The following CCSER1 variants were observed in gnomAD, a reference collection of about 807,000 sequenced individuals.
The protein encoded by CCSER1 is serine-rich coiled-coil domain-containing protein 1.
CCSER1 carries 41 observed loss-of-function variants against 82.0 expected under a neutral mutation model. The ratio of observed to expected loss-of-function variants is 0.50; its 90% CI spans 0.39 to 0.65. The LOEUF (loss-of-function observed/expected upper bound fraction) is 0.65, where lower values mean the gene tolerates loss of function less well. CCSER1 is among the 30% of genes least tolerant of loss of function. The pLI is 0.00. For missense variants in CCSER1, 1,119 were observed against 1,064.2 expected (o/e 1.05, Z -0.72); for synonymous variants, 414 against 383.9 (o/e 1.08, Z -0.92).
chr4:90,284,330 G>C (rs2153462183), intron 1 of CCSER1, among the ~76,000 whole-genome samples: 1 of 152,018 alleles, frequency 6.6e-6, no homozygotes, highest in South Asian at 2.1e-4. Flanking sequence ...TTTTTTAGTT[G>C]ACGTGATATC....
intron 10 of CCSER1, among the ~76,000 whole-genome samples, chr4:91,294,632 G>T (rs1001225596): frequency 6.6e-6 from 1 of 151,780 alleles, no homozygotes; most frequent in Admixed American, 6.6e-5. Context: ...GCTGTCAGGG[G>T]TTCCTGATGT....
At chr4:90,998,840 A>T (rs934704768) in intron 9 of CCSER1, among the ~76,000 whole-genome samples, 2 of 151,954 alleles carry the variant, frequency 1.3e-5, no homozygotes, top group African/African-American at 4.8e-5. Flanking sequence ...CCAGGTATGG[A>T]GAATAGTACC....
rs559059013 is a variant in CCSER1, at chr4:90,965,881, T to C, written c.2172+42434T>C. 1.2e-4 allele frequency among the ~76,000 whole-genome samples: 18 copies of C among 152,224 alleles called. No homozygotes were observed. The South Asian group carries it at 3.7e-3, about 32-fold the overall frequency. ...TCTAAAGAACTAAACGAAAGTGCTT[T>C]TTTTCCTGAATAAAGAAATCAGCAA... On this transcript the variant is annotated intron_variant, in intron 9 of 10. Coordinates refer to ENST00000509176, the MANE Select transcript of CCSER1 (RefSeq NM_001145065.2).
intron 6 of CCSER1, among the ~76,000 whole-genome samples, chr4:90,652,707 G>A (rs1728982369): frequency 6.6e-6 from 1 of 152,040 alleles, no homozygotes; most frequent in Admixed American, 6.6e-5. Context: ...TAATGACAAG[G>A]ACCATTTAAA....
intron 7 of CCSER1, among the ~76,000 whole-genome samples, chr4:90,798,287 C>A (rs1756312134): frequency 6.6e-6 from 1 of 152,050 alleles, no homozygotes; most frequent in South Asian, 2.1e-4. Flanking sequence ...CTTGTGATTG[C>A]ATTATGAAAT....
chr4:91,102,108 C>T (rs1725128652), intron 10 of CCSER1, among the ~76,000 whole-genome samples: 1 of 152,082 alleles, frequency 6.6e-6, no homozygotes, highest in African/African-American at 2.4e-5. Context: ...CAATTCACCC[C>T]GTGTTATAGC....
At chr4:90,990,289 A>G (rs919772240) in intron 9 of CCSER1, among the ~76,000 whole-genome samples, 26 of 151,856 alleles carry the variant, frequency 1.7e-4, no homozygotes, top group African/African-American at 5.8e-4. Context: ...TTAGGCCTCA[A>G]TGGTATGAAT....
rs1045464147 is a variant in CCSER1 at position 91,519,113 on chromosome 4, G to A, written c.2218-79459G>A. Among the ~76,000 whole-genome samples, 3 of 152,210 alleles carry A rather than the reference G, an allele frequency of 2.0e-5. No homozygotes were observed. The South Asian group carries it at 6.2e-4, about 32-fold the overall frequency. The stretch of plus-strand genomic sequence containing the variant: ...GAGCCACTTCTGAAGTATCCAGGTG[G>A]GGGCAGGGTAGATGTGCTGGAGACC... On this transcript the variant is annotated intron_variant, in intron 10 of 10. Transcript: ENST00000509176.
rs1553925624 is a variant in CCSER1, at chr4:91,338,832, GCC to G, written c.2217+252840_2217+252841del. ...GGAATCCATAAAATTTCCTGGTGAT[GCC>G]CACATGCTGATGTAGTTTTCTCTTT... On this transcript the variant is annotated intron_variant, in intron 10 of 10. Transcript: ENST00000509176. Among the ~76,000 whole-genome samples the G allele has an allele frequency of 3.0e-4, 46 of 152,066 alleles. 1 individual carries two copies. The highest frequency in any genetic ancestry group is 1.5e-4 in the Non-Finnish European group (10 of 67,972).
At chr4:91,473,198 A>G (rs1757380310) in intron 10 of CCSER1, among the ~76,000 whole-genome samples, 1 of 152,208 alleles carries the variant, frequency 6.6e-6, no homozygotes, top group South Asian at 2.1e-4. Flanking sequence ...ACTGTTCATC[A>G]TAAACATTTT....
intron 8 of CCSER1, among the ~76,000 whole-genome samples, chr4:90,852,214 C>G (rs1763969438): frequency 6.6e-6 from 1 of 152,156 alleles, no homozygotes; most frequent in South Asian, 2.1e-4. Context: ...CACCCTAAAG[C>G]TGAGATCTAG....
chr4:91,354,068 T>C (rs1034347956), intron 10 of CCSER1, among the ~76,000 whole-genome samples: 6 of 152,190 alleles, frequency 3.9e-5, no homozygotes, highest in African/African-American at 1.4e-4. Flanking sequence ...GCATTTCTCA[T>C]TAGAGTTTCT....
chr4:90,686,631 C>T (rs1734858749), intron 6 of CCSER1, among the ~76,000 whole-genome samples: 2 of 152,086 alleles, frequency 1.3e-5, no homozygotes, highest in African/African-American at 4.8e-5. Context: ...CTAAGCATAA[C>T]TCTTTCTTGA....
chr4:91,439,993 T>C (rs1754998649), intron 10 of CCSER1, among the ~76,000 whole-genome samples: 1 of 151,898 alleles, frequency 6.6e-6, no homozygotes, highest in East Asian at 1.9e-4. Context: ...CAGAGAGACT[T>C]AGACTCCCAC....
At chr4:90,478,742 T>A (rs192257912) in intron 5 of CCSER1, among the ~76,000 whole-genome samples, 79 of 150,636 alleles carry the variant, frequency 5.2e-4, no homozygotes, top group East Asian at 2.5e-3. Context: ...TTTTTTTTTT[T>A]TTTTTTTATT....
At chr4:91,381,905 G>A (rs1256921635) in intron 10 of CCSER1, among the ~76,000 whole-genome samples, 1 of 152,172 alleles carries the variant, frequency 6.6e-6, no homozygotes, top group African/African-American at 2.4e-5. Context: ...TGATGGTGAT[G>A]TACAGATGGG....
At chr4:91,173,770 C>T (rs1009190936) in intron 10 of CCSER1, among the ~76,000 whole-genome samples, 1 of 152,064 alleles carries the variant, frequency 6.6e-6, no homozygotes, top group African/African-American at 2.4e-5. Flanking sequence ...TCTACTTTAA[C>T]TTTTTATTTT....
intron 3 of CCSER1, among the ~76,000 whole-genome samples, chr4:90,349,152 A>G (rs190649828): frequency 6.6e-6 from 1 of 152,126 alleles, no homozygotes; most frequent in African/African-American, 2.4e-5. Context: ...GGAAGGTGAA[A>G]TTTGAAGTAA....
intron 8 of CCSER1, among the ~76,000 whole-genome samples, chr4:90,861,558 G>A (rs376554100): frequency 1.3e-5 from 2 of 151,682 alleles, no homozygotes; most frequent in African/African-American, 4.8e-5. Flanking sequence ...AATAGAAAAG[G>A]CCGTTGATTA....
Sources: allele counts gnomAD v4.1 joint callset (sites outside exome capture counted in the v4.1 genomes callset), GRCh38; gene constraint gnomAD v4.1.1; transcripts MANE v1.5; gene names NCBI Gene and HGNC (gene_info 2026-07-23, HGNC 2026-07-21).